Variants in PRKCZ observed in about 807,000 individuals in gnomAD.
PRKCZ encodes protein kinase C zeta, also known as protein kinase C zeta type.
In PRKCZ, 33 loss-of-function variants were observed where a neutral mutation model predicts 79.5. The ratio of observed to expected loss-of-function variants is 0.41; its 90% CI spans 0.31 to 0.55. The LOEUF (loss-of-function observed/expected upper bound fraction) is 0.55, where lower values mean the gene tolerates loss of function less well. Among genes scored for constraint, PRKCZ ranks in the 20% least tolerant of loss-of-function variants. The pLI is 0.19. For missense variants in PRKCZ, 578 were observed against 813.5 expected, an observed-to-expected ratio of 0.71 and a Z score of 3.52; for synonymous variants, 342 against 320.9, an observed-to-expected ratio of 1.07 and a Z score of -0.70.
Position 2,172,925 on chromosome 1 carries a change from G to A in PRKCZ, c.1285+537G>A, listed in dbSNP as rs557947632. 7.2e-5 allele frequency among the ~76,000 whole-genome samples: 11 copies of A among 152,122 alleles called. No individual in the cohort carries two copies. The highest frequency in any genetic ancestry group is 2.1e-4 in the South Asian group (1 of 4,824). ...GGCACGCGTGTGCAGCCGTGTGTGC[G>A]TGTGTGAAACGGGGATGTGGGCACG... is the stretch of plus-strand genomic sequence containing the variant. On this transcript the variant is annotated intron_variant, in intron 13 of 17. Transcript: ENST00000378567. This position sits in a 1 kb window ranked among gnomAD's most constrained non-coding sequence, Gnocchi z 7.8.
intron 4 of PRKCZ, among the ~76,000 whole-genome samples, chr1:2,120,635 C>T (rs116516747): frequency 0.012 from 1,857 of 152,024 alleles, 45 homozygotes; most frequent in African/African-American, 0.042. Flanking sequence ...TCTCTCTCCC[C>T]TGGGACCCCC....
intron 16 of PRKCZ, chr1:2,184,193 T>G (rs1572071830): frequency 5.0e-6 from 1 of 198,954 alleles, no homozygotes; most frequent in Non-Finnish European, 1.0e-5. Context: ...GCAGGCAGGG[T>G]GCTGTGGCCA....
At chr1:2,167,844 A>G (rs1683643626) in intron 10 of PRKCZ, among the ~76,000 whole-genome samples, 1 of 151,862 alleles carries the variant, frequency 6.6e-6, no homozygotes, top group South Asian at 2.1e-4. Context: ...ACCTCAGGTG[A>G]TCTGCTTGCC....
Position 2,075,666 on chromosome 1 carries a change from G to A in PRKCZ, c.334+16075G>A, listed in dbSNP as rs1203645418. Among the ~76,000 whole-genome samples the A allele has an allele frequency of 6.6e-6, 1 of 152,130 alleles. No homozygotes were observed. Among genetic ancestry groups the A allele is most frequent in the East Asian group, 1.9e-4 (1 of 5,184 alleles). On this transcript the variant is annotated intron_variant, in intron 4 of 17. Transcript: ENST00000378567. The surrounding 1 kb of genome is among the most constrained non-coding windows in gnomAD (Gnocchi z 4.8). ...CCTCCCAGACTCACCTCTGGGCTCC[G>A]GGCTCTGCTGCGATGTTTCCGAGGC...
At position 2,173,638 on chromosome 1, in the gene PRKCZ, C is replaced by T. The variant is rs1481456217; in HGVS notation, c.1286-259C>T. The stretch of plus-strand genomic sequence containing the variant: ...CCAGTGCCTCGTGCCGGTGTGGTCA[C>T]AGGTGCCCTGGCAGGACCGACAGCC... On this transcript the variant is annotated intron_variant, in intron 13 of 17. Transcript: ENST00000378567. The surrounding 1 kb of genome is among the most constrained non-coding windows in gnomAD (Gnocchi z 5.7). 1.3e-5 allele frequency among the ~76,000 whole-genome samples: 2 copies of T among 152,228 alleles called. No individual in the cohort carries two copies. The highest frequency in any genetic ancestry group is 4.8e-5 in the African/African-American group (2 of 41,444).
intron 16 of PRKCZ, among the ~76,000 whole-genome samples, chr1:2,175,650 C>T (rs1207907593): frequency 3.3e-5 from 5 of 151,974 alleles, no homozygotes; most frequent in Admixed American, 6.6e-5. Context: ...CGCGCACCGC[C>T]GGGCTGGTCT....
In PRKCZ at chr1:2,165,026, C is replaced by T. The variant is rs1374217682; in HGVS notation, c.975-4492C>T. Among the ~76,000 whole-genome samples the T allele has an allele frequency of 3.9e-5, 6 of 152,208 alleles. No individual in the cohort carries two copies. Among genetic ancestry groups the T allele is most frequent in the East Asian group, 1.9e-4 (1 of 5,194 alleles). On this transcript the variant is annotated intron_variant, in intron 10 of 17. Coordinates refer to ENST00000378567, the MANE Select transcript of PRKCZ (RefSeq NM_002744.6). This position sits in a 1 kb window ranked among gnomAD's most constrained non-coding sequence, Gnocchi z 4.1. ...TGCCTTTGCACGTGAGCCCCATTGT[C>T]GCTGGGACACACTGCCCTCCAGTGC... is the stretch of plus-strand genomic sequence containing the variant.
intron 4 of PRKCZ, among the ~76,000 whole-genome samples, chr1:2,093,200 C>A (rs755091763): frequency 1.1e-4 from 16 of 151,674 alleles, no homozygotes; most frequent in Non-Finnish European, 1.9e-4. Context: ...GAGCTGCTGC[C>A]CTGAAAAGCA....
Position 2,173,785 on chromosome 1 carries a change from C to A in PRKCZ, c.1286-112C>A. On this transcript the variant is annotated intron_variant, in intron 13 of 17. Transcript: ENST00000378567. The surrounding 1 kb of genome is among the most constrained non-coding windows in gnomAD (Gnocchi z 5.7). Reference sequence around the variant, plus strand: ...CACAGAGGCCTGTGTGCCGCCTGCTCAAGCCTGGCTCACACTCGTGTCAAC... The same window carrying A: ...CACAGAGGCCTGTGTGCCGCCTGCTAAAGCCTGGCTCACACTCGTGTCAAC... 1 of 1,445,474 alleles carries A rather than the reference C, an allele frequency of 6.9e-7. No homozygotes were observed. Among genetic ancestry groups the A allele is most frequent in the Non-Finnish European group, 9.2e-7 (1 of 1,088,290 alleles). 89.5% of individuals were successfully genotyped at this position (1,445,474 alleles called of 1,614,324 possible). A position where few individuals can be genotyped will look rare whatever the true frequency, so the allele number is the denominator to read the frequency against.
At chr1:2,139,901 C>A (rs424079) in intron 5 of PRKCZ, among the ~76,000 whole-genome samples, 94,532 of 152,108 alleles carry the variant, frequency 0.62, 29,419 homozygotes, top group East Asian at 0.73. Flanking sequence ...CATGGTAGGG[C>A]CACGTCTCTG....
At chr1:2,161,002 A>AAGGGCTCAGTGGGTGCCACT (rs1326577597) in intron 10 of PRKCZ, among the ~76,000 whole-genome samples, 32 of 152,244 alleles carry the variant, frequency 2.1e-4, no homozygotes, top group Non-Finnish European at 4.0e-4. Context: ...TGGGTGCCAC[A>AAGGGCTCAGTGGGTGCCACT]GCAAGGACAG....
At position 2,121,613 on chromosome 1, in the gene PRKCZ, C is replaced by T. The variant is rs56230457; in HGVS notation, c.335-13649C>T. ...TTAAGGTCACAGCAGTAATTAGGGT[C>T]ATGGTGGTGGTTAGGGTCACAGTGG... On this transcript the variant is annotated intron_variant, in intron 4 of 17. Coordinates refer to ENST00000378567, the MANE Select transcript of PRKCZ (RefSeq NM_002744.6). Among the ~76,000 whole-genome samples, 35 of 66,882 alleles carry T rather than the reference C, an allele frequency of 5.2e-4. 4 individuals are homozygous for T. Among genetic ancestry groups the T allele is most frequent in the African/African-American group, 1.8e-3 (30 of 16,472 alleles). The allele number at this position is 66,882 out of a possible 152,430, so 43.9% of individuals were successfully genotyped here. A position where few individuals can be genotyped will look rare whatever the true frequency, so the allele number is the denominator to read the frequency against.
At chr1:2,154,968 T>C (rs1424412413) in intron 9 of PRKCZ, among the ~76,000 whole-genome samples, 1 of 152,206 alleles carries the variant, frequency 6.6e-6, no homozygotes, top group Non-Finnish European at 1.5e-5. Flanking sequence ...CTCAATTTCC[T>C]TGTGTCCTAA....
intron 4 of PRKCZ, among the ~76,000 whole-genome samples, chr1:2,068,129 C>G (rs1010048924): frequency 1.3e-5 from 2 of 152,246 alleles, no homozygotes; most frequent in African/African-American, 4.8e-5. Flanking sequence ...AAGGCTGGAT[C>G]CAAAGACCTC....
intron 9 of PRKCZ, among the ~76,000 whole-genome samples, chr1:2,154,227 G>C (rs3765920): frequency 6.6e-6 from 1 of 152,264 alleles, no homozygotes; most frequent in South Asian, 2.1e-4. Context: ...CGAGGAGCTC[G>C]GCTTGTGGCC....
Position 2,053,847 on chromosome 1 carries a change from T to C in PRKCZ, c.72-1594T>C, listed in dbSNP as rs181442197. Among the ~76,000 whole-genome samples the C allele has an allele frequency of 4.6e-4, 70 of 152,342 alleles. No homozygotes were observed. In the East Asian group the frequency reaches 0.012, roughly 27 times the overall value. The stretch of plus-strand genomic sequence containing the variant: ...TGGGTGTGTGACCCCCCTCCATTCC[T>C]TACTTTCCTAATCTGCCATGATGCT... On this transcript the variant is annotated intron_variant, in intron 1 of 17. Transcript: ENST00000378567.
chr1:2,160,949 AGGCGCCGCCGTCGGG>A (rs137867555), intron 10 of PRKCZ, among the ~76,000 whole-genome samples: 5,841 of 151,870 alleles, frequency 0.038, 341 homozygotes, highest in African/African-American at 0.13. Flanking sequence ...CTGCAGGAGG[AGGCGCCGCCGTCGGG>A]GTGGAGGCAG....
intron 4 of PRKCZ, among the ~76,000 whole-genome samples, chr1:2,097,503 C>T (rs555355120): frequency 3.3e-4 from 50 of 152,316 alleles, no homozygotes; most frequent in African/African-American, 1.1e-3. Flanking sequence ...CCCTTGGACC[C>T]GGTGAGCCAG....
At chr1:2,064,835 C>G (rs1403536773) in intron 4 of PRKCZ, among the ~76,000 whole-genome samples, 1 of 152,148 alleles carries the variant, frequency 6.6e-6, no homozygotes, top group Non-Finnish European at 1.5e-5. Context: ...GTTTTGGGGT[C>G]CCCTGAGATT....
Sources: allele counts gnomAD v4.1 joint callset (sites outside exome capture counted in the v4.1 genomes callset), GRCh38; gene constraint gnomAD v4.1.1; non-coding constraint Gnocchi (gnomAD v3.1); transcripts MANE v1.5; gene names NCBI Gene and HGNC (gene_info 2026-07-23, HGNC 2026-07-21).